MAP3K20: variants seen among roughly 807,000 people sequenced by gnomAD.
MAP3K20 encodes the protein mitogen-activated protein kinase kinase kinase 20.
MAP3K20 carries 40 observed loss-of-function variants against 85.7 expected under a neutral mutation model. The ratio of observed to expected loss-of-function variants is 0.47; its 90% CI spans 0.36 to 0.61. The LOEUF (loss-of-function observed/expected upper bound fraction) is 0.61, where lower values mean the gene tolerates loss of function less well. Among genes scored for constraint, MAP3K20 ranks in the 20% least tolerant of loss-of-function variants. The pLI, the probability that MAP3K20 is intolerant of heterozygous loss-of-function variation, is 0.00. For missense variants in MAP3K20, 817 were observed against 961.7 expected, an observed-to-expected ratio of 0.85 and a Z score of 1.99; for synonymous variants, 325 against 327.7, an observed-to-expected ratio of 0.99 and a Z score of 0.09.
At chr2:173,212,688 A>C (rs1365070595) in intron 10 of MAP3K20, 1 of 151,864 alleles carries the variant, frequency 6.6e-6, no homozygotes, top group African/African-American at 2.4e-5. Context: ...CAGTTACTCA[A>C]CTCGGGAGGC....
intron 2 of MAP3K20, among the ~76,000 whole-genome samples, chr2:173,156,028 C>G (rs150097384): frequency 2.6e-5 from 4 of 152,276 alleles, no homozygotes; most frequent in African/African-American, 9.6e-5. Flanking sequence ...CTAAAAGAAG[C>G]TGACCTAAGA....
intron 18 of MAP3K20, 102 bp from the exon 19 acceptor site, chr2:173,263,643 T>C (rs1395500186): frequency 1.7e-6 from 2 of 1,172,802 alleles, no homozygotes; most frequent in Non-Finnish European, 2.4e-6. Context: ...AGTGATATAA[T>C]AACCTGGATG....
chr2:173,102,910 A>G (rs1026490496), intron 2 of MAP3K20, among the ~76,000 whole-genome samples: 3 of 152,094 alleles, frequency 2.0e-5, no homozygotes, highest in African/African-American at 7.2e-5. Flanking sequence ...TACTAAAAAT[A>G]CAAAAATTAG....
intron 16 of MAP3K20, 113 bp from the exon 17 acceptor site, chr2:173,258,586 A>G: frequency 1.6e-6 from 1 of 613,560 alleles, no homozygotes; most frequent in Non-Finnish European, 2.8e-6. Context: ...GAAAAAAAAA[A>G]AAGCCACTCC....
At chr2:173,253,690 C>T (rs1427936416) in intron 16 of MAP3K20, among the ~76,000 whole-genome samples, 1 of 152,150 alleles carries the variant, frequency 6.6e-6, no homozygotes, top group Non-Finnish European at 1.5e-5. Context: ...GAGAGTTGTT[C>T]ACAGACATTC....
At chr2:173,151,677 G>A (rs1689313009) in intron 2 of MAP3K20, among the ~76,000 whole-genome samples, 1 of 152,176 alleles carries the variant, frequency 6.6e-6, no homozygotes, top group Admixed American at 6.5e-5. Context: ...TGTCATGATT[G>A]AATTCATAGG....
chr2:173,087,159 T>C (rs114788993), intron 1 of MAP3K20, among the ~76,000 whole-genome samples: 1,832 of 152,340 alleles, frequency 0.012, 23 homozygotes, highest in Middle Eastern at 0.024. Context: ...GATCCAGATG[T>C]AAACAGAACT....
At chr2:173,075,607 G>T, upstream of MAP3K20, 1 of 340,450 alleles carries the variant, frequency 2.9e-6, no homozygotes, top group South Asian at 1.2e-4. Context: ...TTGTCAAAAA[G>T]ATGAGTTAAG....
intron 2 of MAP3K20, among the ~76,000 whole-genome samples, chr2:173,144,462 C>CAAAAAAAAAAA (rs71018537): frequency 1.1e-5 from 1 of 92,872 alleles, no homozygotes; most frequent in Non-Finnish European, 2.1e-5. Flanking sequence ...GACTCCGTCT[C>CAAAAAAAAAAA]AAAAAAAAAA....
chr2:173,144,759 T>C (rs1320229285), intron 2 of MAP3K20, among the ~76,000 whole-genome samples: 4 of 152,116 alleles, frequency 2.6e-5, no homozygotes, highest in Non-Finnish European at 5.9e-5. Flanking sequence ...GTTGTAAGAC[T>C]CAGTATTAAA....
intron 2 of MAP3K20, among the ~76,000 whole-genome samples, chr2:173,118,468 G>T (rs995389866): frequency 5.9e-5 from 9 of 152,084 alleles, no homozygotes; most frequent in African/African-American, 1.7e-4. Flanking sequence ...CTATGTTTTG[G>T]TTTTTTGAGG....
intron 1 of MAP3K20, among the ~76,000 whole-genome samples, chr2:173,078,512 G>T (rs551894151): frequency 6.6e-6 from 1 of 152,282 alleles, no homozygotes; most frequent in Admixed American, 6.5e-5. Context: ...ATTGTACCTG[G>T]TAAGGGAAGA....
At position 173,221,461 on chromosome 2, in the gene MAP3K20, G is replaced by A. The variant is rs779646590; in HGVS notation, c.987+4211G>A. 3.1e-6 allele frequency: 5 copies of A among 1,612,666 alleles called. No individual in the cohort carries two copies. The African/African-American group carries it at 4.0e-5, about 13-fold the overall frequency. On this transcript the variant is annotated intron_variant, in intron 11 of 19. Transcript: ENST00000375213. Reference sequence around the variant, plus strand: ...CTCTGGGGTTCAGTGATTTTGACTTGTCAGAAGGTGACGATGATGATGATG... The same window carrying A: ...CTCTGGGGTTCAGTGATTTTGACTTATCAGAAGGTGACGATGATGATGATG...
At chr2:173,237,019 C>CTTTTTTTTTTTTTTT (rs368196400) in intron 14 of MAP3K20, among the ~76,000 whole-genome samples, 1 of 75,582 alleles carries the variant, frequency 1.3e-5, no homozygotes, top group Non-Finnish European at 2.3e-5. Context: ...GTATATCCAC[C>CTTTTTTTTTTTTTTT]TTTTTTTTTT....
chr2:173,142,498 A>C (rs1689006630), intron 2 of MAP3K20, among the ~76,000 whole-genome samples: 1 of 151,904 alleles, frequency 6.6e-6, no homozygotes, highest in Non-Finnish European at 1.5e-5. Flanking sequence ...TAGTATATAT[A>C]TATCACAATG....
At position 173,266,783 on chromosome 2, in the gene MAP3K20, T is replaced by TTAA; in HGVS notation, c.*33_*34insTAA. The TTAA allele has an allele frequency of 9.7e-7, 1 of 1,030,206 alleles. No individual in the cohort carries two copies. The highest frequency in any genetic ancestry group is 1.3e-6 in the Non-Finnish European group (1 of 779,878). 63.8% of individuals were successfully genotyped at this position (1,030,206 alleles called of 1,614,324 possible). A position where few individuals can be genotyped will look rare whatever the true frequency, so the allele number is the denominator to read the frequency against. ...AACTACATAGCTTTTCTAAGCAGGT[T>TTAA]AAAAAAAAAAAAAAAAAGAAATGTA... On this transcript the variant is annotated 3_prime_UTR_variant, in exon 20 of 20. Coordinates refer to ENST00000375213, the MANE Select transcript of MAP3K20 (RefSeq NM_016653.3).
At chr2:173,095,838 A>G (rs1687441538) in intron 2 of MAP3K20, among the ~76,000 whole-genome samples, 3 of 152,206 alleles carry the variant, frequency 2.0e-5, no homozygotes, top group Admixed American at 2.0e-4. Flanking sequence ...ATTATATACA[A>G]TATGATCCCA....
chr2:173,110,216 TATATATATATATATATATATA>T (rs1687909808), intron 2 of MAP3K20, among the ~76,000 whole-genome samples: 1 of 7,298 alleles, frequency 1.4e-4, no homozygotes, highest in Non-Finnish European at 3.1e-4. Flanking sequence ...TATATATATA[TATATATATATATATATATATA>T]TATATTTTTT....
chr2:173,120,701 C>CTTTTTTTTTTTTTTTTT (rs56084110), intron 2 of MAP3K20, among the ~76,000 whole-genome samples: 1 of 49,214 alleles, frequency 2.0e-5, no homozygotes, highest in Non-Finnish European at 3.2e-5. Context: ...ACTCTCACTT[C>CTTTTTTTTTTTTTTTTT]TTTTTTTTTT....
Sources: allele counts gnomAD v4.1 joint callset (sites outside exome capture counted in the v4.1 genomes callset), GRCh38; gene constraint gnomAD v4.1.1; transcripts MANE v1.5; gene names NCBI Gene and HGNC (gene_info 2026-07-23, HGNC 2026-07-21).